The following SNX7 variants were observed in gnomAD, a reference collection of about 807,000 sequenced individuals.
The protein encoded by SNX7 is sorting nexin-7.
Under a neutral mutation model 48.4 loss-of-function variants are expected in SNX7, and 35 were observed. The observed-to-expected ratio is 0.72, with a 90% CI of 0.55 to 0.96. The LOEUF (loss-of-function observed/expected upper bound fraction) is 0.96. SNX7 is among the 40% of genes least tolerant of loss of function. The pLI is 0.00. For synonymous variants in SNX7, 190 were observed against 190.2 expected, an observed-to-expected ratio of 1.00 and a Z score of 0.01; for missense variants, 553 against 548.9, an observed-to-expected ratio of 1.01 and a Z score of -0.07.
chr1:98,705,513 GT>G (rs971240141), intron 7 of SNX7, among the ~76,000 whole-genome samples: 1 of 152,174 alleles, frequency 6.6e-6, no homozygotes, highest in African/African-American at 2.4e-5. Context: ...TAAGCACTCA[GT>G]AGCTTTTAGC....
At chr1:98,692,404 T>A (rs2100956603) in intron 4 of SNX7, among the ~76,000 whole-genome samples, 1 of 152,256 alleles carries the variant, frequency 6.6e-6, no homozygotes, top group Admixed American at 6.5e-5. Flanking sequence ...CAGACCTCAG[T>A]CTATGGTACT....
intron 1 of SNX7, among the ~76,000 whole-genome samples, chr1:98,670,878 A>ATTTATTTAT (rs1187636118): frequency 2.5e-3 from 13 of 5,112 alleles, no homozygotes; most frequent in Admixed American, 0.01. Flanking sequence ...AGTTTTATTT[A>ATTTATTTAT]TTTATTTATT....
At chr1:98,690,246 G>C (rs1186722600) in intron 2 of SNX7, among the ~76,000 whole-genome samples, 2 of 151,934 alleles carry the variant, frequency 1.3e-5, no homozygotes, top group African/African-American at 2.4e-5. Context: ...AGTTAAATAA[G>C]GTATTGGTGT....
chr1:98,680,250 C>A (rs1474055649), intron 1 of SNX7, among the ~76,000 whole-genome samples: 1 of 152,166 alleles, frequency 6.6e-6, no homozygotes, highest in Non-Finnish European at 1.5e-5. Context: ...ATAGCTGAAG[C>A]AGCTGGAGTG....
chr1:98,745,019 C>G (rs1358493225), intron 8 of SNX7, among the ~76,000 whole-genome samples: 1 of 151,988 alleles, frequency 6.6e-6, no homozygotes, highest in African/African-American at 2.4e-5. Flanking sequence ...CCAAAGTAAC[C>G]TCCTCTGTAA....
chr1:98,711,126 C>T (rs112216373), intron 7 of SNX7, among the ~76,000 whole-genome samples: 23,364 of 152,100 alleles, frequency 0.15, 1,882 homozygotes, highest in South Asian at 0.18. Flanking sequence ...AAGTGATTCT[C>T]CTGCCTCAGC....
intron 7 of SNX7, among the ~76,000 whole-genome samples, chr1:98,709,301 C>A (rs1339758953): frequency 6.6e-6 from 1 of 152,182 alleles, no homozygotes; most frequent in Non-Finnish European, 1.5e-5. Context: ...AGTCCTGCTT[C>A]TGAGACCTCC....
chr1:98,666,581 C>T (rs79988635), intron 1 of SNX7, among the ~76,000 whole-genome samples: 1 of 152,110 alleles, frequency 6.6e-6, no homozygotes, highest in Admixed American at 6.5e-5. Context: ...GGACATAGTA[C>T]AACAATGTGG....
intron 1 of SNX7, among the ~76,000 whole-genome samples, chr1:98,665,431 A>G (rs2100899590): frequency 6.6e-6 from 1 of 152,340 alleles, no homozygotes; most frequent in African/African-American, 2.4e-5. Context: ...TATGTTGTTT[A>G]TACACACTTT....
intron 3 of SNX7, 59 bp downstream of exon 3, chr1:98,691,244 T>G (rs894380395): frequency 2.9e-6 from 3 of 1,021,346 alleles, no homozygotes; most frequent in Non-Finnish European, 4.4e-6. Flanking sequence ...GTGAGTCTTT[T>G]TGAATGCCTA....
In SNX7 at chr1:98,738,290, C is replaced by T; in HGVS notation, c.1179C>T (p.Ala393=). The change falls in exon 8 of 9, where the codon GCC becomes GCT. Residue 393 remains alanine, a synonymous_variant. Coordinates refer to ENST00000306121, the MANE Select transcript of SNX7 (RefSeq NM_015976.5). Reference sequence around the variant, plus strand: ...ATAAAGTGGAATGTGCTAATAATGCCCTGAAAGCAGATTGGGAGAGATGGA... The same window carrying T: ...ATAAAGTGGAATGTGCTAATAATGCTCTGAAAGCAGATTGGGAGAGATGGA... The part of the protein sequence containing the change: ...LEDKVECANN[A]LKADWERWKQ... The T allele has an allele frequency of 6.2e-7, 1 of 1,613,264 alleles. No individual in the cohort carries two copies. Among genetic ancestry groups the T allele is most frequent in the Non-Finnish European group, 8.5e-7 (1 of 1,179,650 alleles).
chr1:98,735,462 C>T (rs994321505), intron 7 of SNX7, among the ~76,000 whole-genome samples: 1 of 152,050 alleles, frequency 6.6e-6, no homozygotes, highest in African/African-American at 2.4e-5. Flanking sequence ...AAGAATTGAT[C>T]ATACATATTT....
intron 1 of SNX7, among the ~76,000 whole-genome samples, chr1:98,680,753 TC>T (rs745568698): frequency 1.1e-4 from 17 of 152,144 alleles, no homozygotes; most frequent in Non-Finnish European, 2.2e-4. Flanking sequence ...CCCAACAAGT[TC>T]CTCATCTCCA....
intron 8 of SNX7, among the ~76,000 whole-genome samples, chr1:98,752,423 G>A (rs1010617352): frequency 4.6e-5 from 7 of 151,800 alleles, no homozygotes; most frequent in Non-Finnish European, 7.4e-5. Flanking sequence ...ATTAAAAATC[G>A]GCTATCAAGA....
At chr1:98,688,509 G>A (rs1346671877) in intron 2 of SNX7, among the ~76,000 whole-genome samples, 1 of 152,148 alleles carries the variant, frequency 6.6e-6, no homozygotes, top group Non-Finnish European at 1.5e-5. Context: ...GCCTGTCATT[G>A]TATAGTTAGG....
intron 8 of SNX7, among the ~76,000 whole-genome samples, chr1:98,739,502 G>A (rs1404573254): frequency 6.6e-6 from 1 of 152,162 alleles, no homozygotes; most frequent in Non-Finnish European, 1.5e-5. Flanking sequence ...AGAGACCACA[G>A]TATGCAAGAC....
chr1:98,665,235 C>G (rs1347266958), intron 1 of SNX7, among the ~76,000 whole-genome samples: 1 of 152,080 alleles, frequency 6.6e-6, no homozygotes, highest in Non-Finnish European at 1.5e-5. Context: ...AGGGAACTTA[C>G]AGGTGTAATC....
intron 8 of SNX7, among the ~76,000 whole-genome samples, chr1:98,754,639 T>A (rs1352964742): frequency 3.3e-5 from 5 of 152,028 alleles, no homozygotes; most frequent in Non-Finnish European, 7.4e-5. Context: ...TTTCCTTTAG[T>A]GGAATCCGAA....
intron 2 of SNX7, among the ~76,000 whole-genome samples, chr1:98,685,424 G>A (rs1220300276): frequency 3.3e-5 from 5 of 152,116 alleles, no homozygotes; most frequent in African/African-American, 4.8e-5. Flanking sequence ...GCAATATTAT[G>A]TATTCAGATT....
Sources: allele counts gnomAD v4.1 joint callset (sites outside exome capture counted in the v4.1 genomes callset), GRCh38; gene constraint gnomAD v4.1.1; transcripts MANE v1.5; gene names NCBI Gene and HGNC (gene_info 2026-07-23, HGNC 2026-07-21).